Variants in ZCWPW2 observed in about 807,000 individuals in gnomAD.
The protein encoded by ZCWPW2 is zinc finger CW-type and PWWP domain containing 2.
A neutral mutation model predicts 46.6 loss-of-function variants in ZCWPW2; 45 were observed. That is an observed-to-expected ratio of 0.96 (90% CI 0.76 to 1.24). The LOEUF is 1.24. ZCWPW2 is among the 50% of genes most tolerant of loss of function. ZCWPW2 has a pLI of 0.00. For synonymous variants in ZCWPW2, 152 were observed against 137.1 expected (o/e 1.11, Z -0.76); for missense variants, 429 against 403.9 (o/e 1.06, Z -0.53).
chr3:28,413,255 A>T lies in ZCWPW2; in HGVS notation c.187A>T (p.Asn63Tyr), dbSNP rs1008287487. ...DHDEPWYCFMNTDSRYNNCSI... is the reference protein window; with the variant it reads ...DHDEPWYCFMYTDSRYNNCSI... ...TGATGAACCATGGTACTGCTTCATG[A>T]ACACTGATTCAAGATATAATAACTG... Residue 63 changes from asparagine (N) to tyrosine (Y), a missense_variant, in exon 3 of 10, where the codon AAC becomes TAC. Transcript: ENST00000383768. 22 of 1,613,376 alleles carry T rather than the reference A, an allele frequency of 1.4e-5. No homozygotes were observed. The highest frequency in any genetic ancestry group is 1.9e-5 in the Non-Finnish European group (22 of 1,179,552).
chr3:28,474,899 G>A (rs962283375), intron 4 of ZCWPW2, among the ~76,000 whole-genome samples: 80 of 152,012 alleles, frequency 5.3e-4, no homozygotes, highest in Admixed American at 4.6e-3. Context: ...CAGGATCTCG[G>A]CTCACTGCAA....
intron 5 of ZCWPW2, among the ~76,000 whole-genome samples, chr3:28,489,835 T>C (rs1699746330): frequency 6.6e-6 from 1 of 152,076 alleles, no homozygotes; most frequent in South Asian, 2.1e-4. Context: ...AGGTAATCAT[T>C]TTTACTCCTG....
chr3:28,447,753 G>C, intron 4 of ZCWPW2: 1 of 674,656 alleles, frequency 1.5e-6, no homozygotes, highest in Non-Finnish European at 2.7e-6. Context: ...TACCATCGTA[G>C]GGTTTCCTAC....
intron 1 of ZCWPW2, among the ~76,000 whole-genome samples, chr3:28,364,440 T>C (rs958788379): frequency 1.3e-5 from 2 of 152,170 alleles, no homozygotes; most frequent in African/African-American, 4.8e-5. Flanking sequence ...AGTGCCTTTT[T>C]CATACAATGA....
intron 1 of ZCWPW2, among the ~76,000 whole-genome samples, chr3:28,356,989 A>G (rs1437924211): frequency 6.6e-6 from 1 of 152,192 alleles, no homozygotes; most frequent in East Asian, 1.9e-4. Flanking sequence ...TGTACCCTAG[A>G]ACTTAAAGTA....
intron 1 of ZCWPW2, among the ~76,000 whole-genome samples, chr3:28,352,762 G>A (rs1258713572): frequency 6.6e-6 from 1 of 152,104 alleles, no homozygotes; most frequent in Admixed American, 6.5e-5. Flanking sequence ...TATAAAAATA[G>A]AATTAACCTG....
At chr3:28,381,644 G>A (rs956760812) in intron 1 of ZCWPW2, among the ~76,000 whole-genome samples, 5 of 152,094 alleles carry the variant, frequency 3.3e-5, no homozygotes, top group African/African-American at 1.2e-4. Flanking sequence ...TAAATTAGAT[G>A]AGCATGGTGG....
At chr3:28,411,271 A>T (rs879740045) in intron 2 of ZCWPW2, among the ~76,000 whole-genome samples, 14 of 151,944 alleles carry the variant, frequency 9.2e-5, no homozygotes, top group African/African-American at 2.9e-4. Context: ...TTTAAAAGAA[A>T]TCCATATATT....
chr3:28,521,625 G>A (rs1559539043), intron 9 of ZCWPW2, among the ~76,000 whole-genome samples: 1 of 151,928 alleles, frequency 6.6e-6, no homozygotes, highest in Non-Finnish European at 1.5e-5. Flanking sequence ...TTTTTCATTT[G>A]GCTTTCTATG....
chr3:28,424,608 T>C, intron 3 of ZCWPW2, among the ~76,000 whole-genome samples: 1 of 152,136 alleles, frequency 6.6e-6, no homozygotes, highest in East Asian at 1.9e-4. Flanking sequence ...AATGTATTGA[T>C]CTTATATGTT....
intron 3 of ZCWPW2, among the ~76,000 whole-genome samples, chr3:28,431,261 C>T (rs1697245910): frequency 6.6e-6 from 1 of 152,030 alleles, no homozygotes; most frequent in South Asian, 2.1e-4. Context: ...TACCAAATAT[C>T]TTATATATAT....
At chr3:28,471,958 A>G (rs1699053507) in intron 4 of ZCWPW2, among the ~76,000 whole-genome samples, 1 of 152,314 alleles carries the variant, frequency 6.6e-6, no homozygotes, top group African/African-American at 2.4e-5. Context: ...AATAAATAAA[A>G]CAGTAATACC....
chr3:28,441,709 T>C (rs1697766431), intron 4 of ZCWPW2, among the ~76,000 whole-genome samples: 1 of 152,160 alleles, frequency 6.6e-6, no homozygotes, highest in Admixed American at 6.5e-5. Context: ...CCCGATCACA[T>C]GTACCACTTC....
At position 28,373,855 on chromosome 3, in the gene ZCWPW2, G is replaced by GT. The variant is rs201041481; in HGVS notation, c.-133-16637dup. 6.6e-3 allele frequency among the ~76,000 whole-genome samples: 1,004 copies of GT among 152,070 alleles called. 10 individuals carry two copies. The highest frequency in any genetic ancestry group is 0.02 in the African/African-American group (841 of 41,496). ...TAGATTTGTTTGTTTTTGTTTGTTT[G>GT]TTTTTTGCTGTTGTTTGAGATCCCT... On this transcript the variant is annotated intron_variant, in intron 1 of 9. Transcript: ENST00000383768.
At chr3:28,392,942 T>G (rs1410347074) in intron 2 of ZCWPW2, among the ~76,000 whole-genome samples, 1 of 151,124 alleles carries the variant, frequency 6.6e-6, no homozygotes, top group Non-Finnish European at 1.5e-5. Context: ...GAAATAAAGA[T>G]TAGTGCAGAA....
intron 2 of ZCWPW2, among the ~76,000 whole-genome samples, chr3:28,393,131 A>T (rs529411625): frequency 6.6e-6 from 1 of 152,126 alleles, no homozygotes; most frequent in Non-Finnish European, 1.5e-5. Flanking sequence ...AACAGATACC[A>T]TAGAAATACA....
At chr3:28,503,291 C>T (rs1326484387) in intron 6 of ZCWPW2, among the ~76,000 whole-genome samples, 3 of 152,040 alleles carry the variant, frequency 2.0e-5, no homozygotes, top group Admixed American at 6.6e-5. Flanking sequence ...AGATGTTGTC[C>T]TTTGTTATTT....
At chr3:28,367,617 T>A (rs1000759841) in intron 1 of ZCWPW2, among the ~76,000 whole-genome samples, 2 of 152,344 alleles carry the variant, frequency 1.3e-5, no homozygotes, top group South Asian at 4.1e-4. Context: ...AGAATGTATA[T>A]TCTGTTGATT....
chr3:28,514,810 G>A (rs549591150), intron 7 of ZCWPW2, among the ~76,000 whole-genome samples: 1 of 152,248 alleles, frequency 6.6e-6, no homozygotes, highest in South Asian at 2.1e-4. Flanking sequence ...ACAAGTTTTA[G>A]TGTTTATCGT....
Sources: allele counts gnomAD v4.1 joint callset (sites outside exome capture counted in the v4.1 genomes callset), GRCh38; gene constraint gnomAD v4.1.1; transcripts MANE v1.5; gene names NCBI Gene and HGNC (gene_info 2026-07-23, HGNC 2026-07-21).